PPFIA2: variants seen among roughly 807,000 people sequenced by gnomAD.
PPFIA2 encodes liprin-alpha-2.
In PPFIA2, 46 loss-of-function variants were observed where a neutral mutation model predicts 175.5. The ratio of observed to expected loss-of-function variants is 0.26; its 90% CI spans 0.21 to 0.34. The LOEUF is 0.34. Ranked by LOEUF, PPFIA2 falls within the 10% of genes least tolerant of loss-of-function variation. The pLI, the probability that PPFIA2 is intolerant of heterozygous loss-of-function variation, is 1.00. For missense variants in PPFIA2, 1,179 were observed against 1,506.1 expected (o/e 0.78, Z 3.60); for synonymous variants, 568 against 511.4 (o/e 1.11, Z -1.49).
intron 4 of PPFIA2, among the ~76,000 whole-genome samples, chr12:81,648,153 A>C (rs1278834366): frequency 1.3e-5 from 2 of 151,666 alleles, no homozygotes. Context: ...ATTCACTGGA[A>C]AAGAAAAATC....
intron 3 of PPFIA2, among the ~76,000 whole-genome samples, chr12:81,714,830 A>G (rs1476793938): frequency 6.6e-6 from 1 of 151,166 alleles, no homozygotes; most frequent in Non-Finnish European, 1.5e-5. Context: ...TTTAGCAATG[A>G]ACCAAAATGA....
At chr12:81,627,124 T>C (rs1447862355) in intron 4 of PPFIA2, among the ~76,000 whole-genome samples, 1 of 151,782 alleles carries the variant, frequency 6.6e-6, no homozygotes, top group African/African-American at 2.4e-5. Context: ...ACAAGGGTAA[T>C]GGGATGGGGA....
intron 4 of PPFIA2, among the ~76,000 whole-genome samples, chr12:81,532,661 A>G (rs151258993): frequency 6.6e-6 from 1 of 151,920 alleles, no homozygotes; most frequent in African/African-American, 2.4e-5. Flanking sequence ...CCACATGCAT[A>G]ACTGTTTCTG....
At chr12:81,697,838 A>T (rs2153597769) in intron 3 of PPFIA2, among the ~76,000 whole-genome samples, 1 of 152,250 alleles carries the variant, frequency 6.6e-6, no homozygotes, top group African/African-American at 2.4e-5. Context: ...TGCCTAGATG[A>T]ATATACTATT....
At chr12:81,474,571 C>A (rs1017676526) in intron 4 of PPFIA2, among the ~76,000 whole-genome samples, 14 of 152,288 alleles carry the variant, frequency 9.2e-5, no homozygotes, top group African/African-American at 3.1e-4. Context: ...AGATTACAGG[C>A]ATGAGCTATT....
intron 15 of PPFIA2, among the ~76,000 whole-genome samples, chr12:81,359,237 A>G (rs1019909526): frequency 6.6e-6 from 1 of 151,992 alleles, no homozygotes; most frequent in Non-Finnish European, 1.5e-5. Flanking sequence ...GCACTTCCAA[A>G]TATCTGGTAA....
chr12:81,677,917 T>C (rs2072868652), intron 3 of PPFIA2, among the ~76,000 whole-genome samples: 1 of 151,892 alleles, frequency 6.6e-6, no homozygotes, highest in Non-Finnish European at 1.5e-5. Flanking sequence ...AATGATTATA[T>C]GACTTATTCA....
intron 4 of PPFIA2, among the ~76,000 whole-genome samples, chr12:81,564,301 G>C (rs982403249): frequency 2.0e-5 from 3 of 152,054 alleles, no homozygotes; most frequent in Non-Finnish European, 4.4e-5. Flanking sequence ...GAAACTTAGA[G>C]ACTATTTGGT....
intron 4 of PPFIA2, among the ~76,000 whole-genome samples, chr12:81,484,791 C>T (rs116424462): frequency 0.013 from 1,949 of 151,862 alleles, 41 homozygotes; most frequent in African/African-American, 0.044. Context: ...TTTAAATTCC[C>T]ATATTTCTAT....
chr12:81,503,505 G>A (rs1019188400), intron 4 of PPFIA2, among the ~76,000 whole-genome samples: 2 of 148,562 alleles, frequency 1.3e-5, no homozygotes, highest in African/African-American at 5.0e-5. Flanking sequence ...GCTCTAGCTA[G>A]CCAAGTCTAG....
chr12:81,564,135 T>A (rs1343585705), intron 4 of PPFIA2, among the ~76,000 whole-genome samples: 2 of 152,212 alleles, frequency 1.3e-5, no homozygotes, highest in Admixed American at 1.3e-4. Context: ...AAAACAATTA[T>A]TTTGAATGTA....
chr12:81,674,426 G>T (rs2153566898), intron 4 of PPFIA2, among the ~76,000 whole-genome samples: 1 of 152,168 alleles, frequency 6.6e-6, no homozygotes, highest in Admixed American at 6.6e-5. Flanking sequence ...AATACACTTT[G>T]GGAGGCCAAG....
chr12:81,487,227 C>T (rs894092876), intron 4 of PPFIA2, among the ~76,000 whole-genome samples: 3 of 151,778 alleles, frequency 2.0e-5, no homozygotes, highest in African/African-American at 7.2e-5. Flanking sequence ...CCTGGAAAGA[C>T]GAAGTAGCAA....
intron 4 of PPFIA2, among the ~76,000 whole-genome samples, chr12:81,590,619 G>C (rs1377407110): frequency 2.6e-5 from 4 of 151,950 alleles, no homozygotes; most frequent in Non-Finnish European, 5.9e-5. Flanking sequence ...GGAGGTGATT[G>C]AATTATGGGG....
intron 3 of PPFIA2, among the ~76,000 whole-genome samples, chr12:81,749,796 G>C (rs2083514390): frequency 6.9e-6 from 1 of 143,926 alleles, no homozygotes; most frequent in African/African-American, 2.4e-5. Context: ...TTGTAGCATG[G>C]AAATCTGAAG....
intron 4 of PPFIA2, among the ~76,000 whole-genome samples, chr12:81,467,107 C>T (rs926672175): frequency 4.6e-5 from 7 of 151,316 alleles, no homozygotes. Context: ...TATCTTCAAG[C>T]ATAATAATAA....
intron 7 of PPFIA2, among the ~76,000 whole-genome samples, chr12:81,428,875 T>A (rs2047606133): frequency 6.6e-6 from 1 of 152,080 alleles, no homozygotes; most frequent in Admixed American, 6.6e-5. Flanking sequence ...CAGACAGTTT[T>A]GCATTATCTT....
intron 7 of PPFIA2, among the ~76,000 whole-genome samples, chr12:81,429,394 C>A (rs1175410828): frequency 6.6e-6 from 1 of 151,950 alleles, no homozygotes. Flanking sequence ...ACAGATATGG[C>A]AGTTTTAATT....
At chr12:81,546,997 G>A (rs908601946) in intron 4 of PPFIA2, among the ~76,000 whole-genome samples, 2 of 152,022 alleles carry the variant, frequency 1.3e-5, no homozygotes, top group Non-Finnish European at 2.9e-5. Flanking sequence ...CCCTAAGCCT[G>A]GCAGTGAGAA....
Sources: gnomAD v4.1 joint callset for allele counts (sites outside exome capture counted in the v4.1 genomes callset) on GRCh38, gnomAD v4.1.1 for gene constraint, MANE v1.5 for transcripts, NCBI Gene and HGNC (gene_info 2026-07-23, HGNC 2026-07-21) for gene names.